SF1: variants seen among roughly 807,000 people sequenced by gnomAD.
The protein encoded by SF1 is branch point-binding protein.
SF1 carries 7 observed loss-of-function variants against 62.5 expected under a neutral mutation model. The observed-to-expected ratio is 0.11, with a 90% CI of 0.06 to 0.21. The LOEUF is 0.21. Among genes scored for constraint, SF1 ranks in the 10% least tolerant of loss-of-function variants. SF1 has a pLI of 1.00. For synonymous variants in SF1, 394 were observed against 323.6 expected (o/e 1.22, Z -2.33); for missense variants, 578 against 884.0 (o/e 0.65, Z 4.39).
In SF1 at chr11:64,766,947, G is replaced by A. The variant is rs138850939; in HGVS notation, c.1535C>T (p.Pro512Leu). The A allele has an allele frequency of 2.1e-5, 31 of 1,494,904 alleles. No homozygotes were observed. Among genetic ancestry groups the A allele is most frequent in the South Asian group, 2.8e-5 (2 of 70,296 alleles). 92.6% of individuals were successfully genotyped at this position (1,494,904 alleles called of 1,614,324 possible). A position where few individuals can be genotyped will look rare whatever the true frequency, so the allele number is the denominator to read the frequency against. Residue 512 changes from proline to leucine, a missense_variant, in exon 12 of 13, where the codon CCG becomes CTG. Physicochemically the swap from Pro to Leu is moderately conservative, Grantham distance 98 (BLOSUM62 -3). This residue lies in a region of SF1 where 410 missense variants were observed against 452.4 expected (regional missense o/e 0.91). Coordinates refer to ENST00000377390, the MANE Select transcript of SF1 (RefSeq NM_004630.4). ...QQQQQPPPPP[P>L]PSSSMASSTP... ...ACTGGAAGCCATACTGCTGCTGGGC[G>A]GAGGGGGTGGCGGAGGCTGCTGCTG...
At chr11:64,766,179 G>A in intron 12 of SF1, 24 bp from the exon 13 acceptor site, 1 of 1,596,650 alleles carries the variant, frequency 6.3e-7, no homozygotes, top group Non-Finnish European at 8.5e-7. Context: ...GAAGCCCAAG[G>A]TCACACGCGC....
intron 1 of SF1, 90 bp downstream of exon 1, chr11:64,778,272 C>G (rs1342407316): frequency 1.2e-5 from 14 of 1,212,974 alleles, no homozygotes; most frequent in Admixed American, 8.7e-5. Context: ...GCCAGCAGCC[C>G]CGCCCCAGGC....
chr11:64,767,538 GCCC>G, intron 10 of SF1, 30 bp downstream of exon 10: 1 of 1,521,862 alleles, frequency 6.6e-7, no homozygotes, highest in Non-Finnish European at 8.8e-7. Context: ...TTATCCCAAA[GCCC>G]CCAAGGTTTC....
At chr11:64,771,267 A>G (rs1347314379) in intron 3 of SF1, among the ~76,000 whole-genome samples, 2 of 152,170 alleles carry the variant, frequency 1.3e-5, no homozygotes, top group Non-Finnish European at 2.9e-5. Context: ...GTAATGATAA[A>G]ATGGTCAGTT....
chr11:64,767,656 T>G lies in SF1; in HGVS notation c.1257A>C (p.Gly419=), dbSNP rs768932663. 16 of 1,600,072 alleles carry G rather than the reference T, an allele frequency of 1.0e-5. No homozygotes were observed. The highest frequency in any genetic ancestry group is 1.3e-5 in the Non-Finnish European group (15 of 1,172,716). Residue 419 remains glycine (G), a synonymous_variant, in exon 10 of 13, where the codon GGA becomes GGC. Coordinates refer to ENST00000377390, the MANE Select transcript of SF1 (RefSeq NM_004630.4). ...GTGGCTGCATCCAAGGGGGTGGGGG[T>G]CCATTGGGGTTGTGCTGCATGGGAT... ...GGHPMQHNPN[G]PPPPWMQPPP...
At chr11:64,772,203 A>C in intron 3 of SF1, 1 of 985,392 alleles carries the variant, frequency 1.0e-6, no homozygotes, top group Non-Finnish European at 1.2e-6. Flanking sequence ...GGAAGCAAAG[A>C]AGGTTTGTTA....
chr11:64,774,111 T>G (rs1262611516), intron 2 of SF1, among the ~76,000 whole-genome samples: 1 of 152,238 alleles, frequency 6.6e-6, no homozygotes, highest in African/African-American at 2.4e-5. Flanking sequence ...CCTGTACTAG[T>G]AAGGGTCTCC....
At chr11:64,771,256 T>C (rs1938278233) in intron 3 of SF1, among the ~76,000 whole-genome samples, 1 of 152,106 alleles carries the variant, frequency 6.6e-6, no homozygotes, top group Non-Finnish European at 1.5e-5. Flanking sequence ...AGTAAAAAAA[T>C]GTAATGATAA....
intron 2 of SF1, among the ~76,000 whole-genome samples, chr11:64,775,709 C>G (rs1245216101): frequency 6.6e-6 from 1 of 152,186 alleles, no homozygotes; most frequent in Non-Finnish European, 1.5e-5. Flanking sequence ...GACAGCTGCA[C>G]AGGTATATAA....
intron 3 of SF1, chr11:64,771,346 A>C (rs1938294628): frequency 1.6e-6 from 1 of 631,438 alleles, no homozygotes; most frequent in Non-Finnish European, 2.0e-6. Context: ...TTAAGATTAC[A>C]AAAAGGACCA....
In SF1 at chr11:64,765,507, C is replaced by G. The variant is rs771746896; in HGVS notation, c.*311G>C. The G allele has an allele frequency of 3.1e-6, 5 of 1,609,396 alleles. No homozygotes were observed. Among genetic ancestry groups the G allele is most frequent in the Non-Finnish European group, 4.2e-6 (5 of 1,178,088 alleles). On this transcript the variant is annotated 3_prime_UTR_variant, in exon 13 of 13. Transcript: ENST00000377390. ...CTCATGGCTCGGGCCATCGCCGCCG[C>G]GGGGAGGGATCCTGGCGGCCCGGTT...
intron 3 of SF1, 119 bp downstream of exon 3, chr11:64,773,311 T>A: frequency 6.7e-7 from 1 of 1,487,868 alleles, no homozygotes; most frequent in Non-Finnish European, 8.9e-7. Flanking sequence ...CCCAAAGTGG[T>A]CAGGGTACAG....
rs750189306 is a variant in SF1, at chr11:64,767,037, G to A, written c.1445C>T (p.Pro482Leu). 17 of 1,554,062 alleles carry A rather than the reference G, an allele frequency of 1.1e-5. No individual in the cohort carries two copies. The Admixed American group carries it at 1.5e-4, about 14-fold the overall frequency. The change falls in exon 12 of 13, where the codon CCG becomes CTG. Residue 482 changes from proline (P) to leucine (L), a missense_variant. By Grantham distance (98) the Pro-to-Leu change is moderately conservative. Transcript: ENST00000377390. ...TGGGGGCTGCCCACTGGGAGGCGGC[G>A]GCGGCGGCGGCATCATGCCCATAGG... ...PPPMGMMPPP[P>L]PPPSGQPPPP...
At chr11:64,777,780 G>GGCCCCCCCC in intron 1 of SF1, 8 of 445,360 alleles carry the variant, frequency 1.8e-5, no homozygotes, top group Non-Finnish European at 2.0e-5. Context: ...AGCGCCTCCC[G>GGCCCCCCCC]CCCGCCCAGC....
chr11:64,776,364 A>C, intron 2 of SF1, 134 bp downstream of exon 2: 5 of 964,350 alleles, frequency 5.2e-6, no homozygotes, highest in Non-Finnish European at 8.1e-6. Flanking sequence ...AAACTGACAG[A>C]TGATACCAAA....
At position 64,778,507 on chromosome 11, in the gene SF1, CTCTCACGCGGCGG is replaced by C; in HGVS notation, c.-128_-116del. On this transcript the variant is annotated 5_prime_UTR_variant, in exon 1 of 13. Transcript: ENST00000377390. ...GCTGCCGGAGCGCGCGGAGCCCGTCCTCTCACGCGGCGGGCGGCGGCGGCGCGAGACGCACAAA... is the reference window on the plus strand; with the variant it reads ...GCTGCCGGAGCGCGCGGAGCCCGTCCGCGGCGGCGGCGCGAGACGCACAAA... 8.4e-7 allele frequency: 1 copy of C among 1,190,688 alleles called. No homozygotes were observed. The highest frequency in any genetic ancestry group is 1.0e-6 in the Non-Finnish European group (1 of 960,986). 73.8% of individuals were successfully genotyped at this position (1,190,688 alleles called of 1,614,324 possible).
chr11:64,773,691 G>A (rs904765741), intron 2 of SF1, among the ~76,000 whole-genome samples, 186 bp from the exon 3 acceptor site: 4 of 152,142 alleles, frequency 2.6e-5, no homozygotes, highest in Admixed American at 6.5e-5. Context: ...ACATCTATAG[G>A]TTTTTTTCAC....
chr11:64,773,583 C>A, intron 2 of SF1, 78 bp from the exon 3 acceptor site: 2 of 1,493,164 alleles, frequency 1.3e-6, no homozygotes, highest in Non-Finnish European at 9.0e-7. Context: ...CAAATCTCAA[C>A]AACAAGCATG....
At chr11:64,776,836 G>A (rs1939340777) in intron 1 of SF1, among the ~76,000 whole-genome samples, 1 of 152,126 alleles carries the variant, frequency 6.6e-6, no homozygotes, top group Non-Finnish European at 1.5e-5. Context: ...TCCTTGGTCA[G>A]GCAAGTTAAC....
Sources: allele counts gnomAD v4.1 joint callset (sites outside exome capture counted in the v4.1 genomes callset), GRCh38; gene constraint gnomAD v4.1.1; regional missense constraint gnomAD v4.1.1; transcripts MANE v1.5; gene names NCBI Gene and HGNC (gene_info 2026-07-23, HGNC 2026-07-21).